The following AUTS2 variants were observed in gnomAD, a reference collection of about 807,000 sequenced individuals.
AUTS2 encodes activator of transcription and developmental regulator AUTS2.
Under a neutral mutation model 112.4 loss-of-function variants are expected in AUTS2, and 17 were observed. The observed-to-expected ratio is 0.15, with a 90% CI of 0.10 to 0.23. The LOEUF (loss-of-function observed/expected upper bound fraction) is 0.23. Ranked by LOEUF, AUTS2 falls within the 10% of genes least tolerant of loss-of-function variation. The probability of loss-of-function intolerance (pLI) is 1.00; values close to 1 mark genes in which losing one functional copy is unlikely to be tolerated. For missense variants in AUTS2, 1,510 were observed against 1,701.6 expected, an observed-to-expected ratio of 0.89 and a Z score of 1.98; for synonymous variants, 751 against 702.7, an observed-to-expected ratio of 1.07 and a Z score of -1.09.
At chr7:70,227,671 C>T (rs1198642202) in intron 4 of AUTS2, among the ~76,000 whole-genome samples, 4 of 152,026 alleles carry the variant, frequency 2.6e-5, no homozygotes, top group East Asian at 3.9e-4. Context: ...ATCTTCTGAT[C>T]GCTCATGTGA....
Position 70,790,773 on chromosome 7 carries a change from C to A in AUTS2, c.3557C>A (p.Thr1186Asn), listed in dbSNP as rs771904255. 3.7e-6 allele frequency: 6 copies of A among 1,612,570 alleles called. No homozygotes were observed. The East Asian group carries it at 1.3e-4, about 36-fold the overall frequency. ...DGHLPHPSLITPGLPSMHYPR... is the reference protein window; with the variant it reads ...DGHLPHPSLINPGLPSMHYPR... ...CACCTCCCCCACCCCAGCCTCATCA[C>A]CCCGGGACTCCCCAGCATGCACTAT... The change falls in exon 19 of 19, where the codon ACC becomes AAC. Residue 1186 changes from threonine to asparagine, a missense_variant. Physicochemically the swap from Thr to Asn is moderately conservative, Grantham distance 65 (BLOSUM62 0). This residue lies in a region of AUTS2 where 788 missense variants were observed against 797.6 expected (regional missense o/e 0.99). Transcript: ENST00000342771. The surrounding 1 kb of genome is among the most constrained non-coding windows in gnomAD (Gnocchi z 7.6).
chr7:69,671,486 G>GGTGTGTGTGT (rs201047003), intron 1 of AUTS2, among the ~76,000 whole-genome samples: 44 of 138,618 alleles, frequency 3.2e-4, no homozygotes, highest in African/African-American at 1.2e-3. Flanking sequence ...TGCTGCTGCT[G>GGTGTGTGTGT]GTGTGTGTGT....
chr7:70,509,374 T>C (rs1195555456), intron 5 of AUTS2, among the ~76,000 whole-genome samples: 1 of 152,154 alleles, frequency 6.6e-6, no homozygotes, highest in South Asian at 2.1e-4. Flanking sequence ...TATTCTGACT[T>C]GGGAGGAAGG....
At chr7:69,765,075 A>G (rs1788361483) in intron 1 of AUTS2, among the ~76,000 whole-genome samples, 1 of 152,248 alleles carries the variant, frequency 6.6e-6, no homozygotes, top group Admixed American at 6.5e-5. Flanking sequence ...ACATGCTCTT[A>G]TCTCTTGATC....
intron 1 of AUTS2, among the ~76,000 whole-genome samples, chr7:69,644,264 A>C (rs1186277945): frequency 6.6e-6 from 1 of 152,090 alleles, no homozygotes; most frequent in Non-Finnish European, 1.5e-5. Flanking sequence ...AGTGGCATTT[A>C]ATTGCAGTCA....
intron 2 of AUTS2, among the ~76,000 whole-genome samples, chr7:69,944,739 G>A (rs17459903): frequency 0.039 from 5,904 of 152,084 alleles, 176 homozygotes; most frequent in Non-Finnish European, 0.063. Flanking sequence ...AAAACTTTTT[G>A]TACGAGGCAC....
intron 10 of AUTS2, among the ~76,000 whole-genome samples, chr7:70,768,879 T>C (rs1420962305): frequency 1.4e-5 from 2 of 146,018 alleles, no homozygotes; most frequent in Non-Finnish European, 3.0e-5. Context: ...AGTGATTTCT[T>C]TTTTTTTTTT....
At chr7:70,777,209 G>A (rs1264007565) in intron 14 of AUTS2, 35 bp downstream of exon 14, 1 of 1,586,164 alleles carries the variant, frequency 6.3e-7, no homozygotes, top group East Asian at 2.2e-5. Flanking sequence ...GGAAGAATGG[G>A]ATGCACATGT....
chr7:70,435,429 C>T (rs531174524), intron 4 of AUTS2, among the ~76,000 whole-genome samples: 6 of 152,294 alleles, frequency 3.9e-5, no homozygotes, highest in East Asian at 1.9e-4. Flanking sequence ...AGAGGGGCAT[C>T]GCCTCTACCC....
chr7:70,278,082 C>A (rs1160988817), intron 4 of AUTS2, among the ~76,000 whole-genome samples: 1 of 151,942 alleles, frequency 6.6e-6, no homozygotes, highest in Non-Finnish European at 1.5e-5. Flanking sequence ...TGCATCTGAA[C>A]ATATTCCTGG....
At chr7:70,758,471 T>C (rs1789360746) in intron 6 of AUTS2, among the ~76,000 whole-genome samples, 2 of 152,212 alleles carry the variant, frequency 1.3e-5, no homozygotes, top group African/African-American at 4.8e-5. Flanking sequence ...AACCAATTTT[T>C]CCTAATCTCT....
chr7:70,350,521 T>C (rs780909298), intron 4 of AUTS2, among the ~76,000 whole-genome samples: 6 of 151,302 alleles, frequency 4.0e-5, no homozygotes, highest in African/African-American at 7.3e-5. Context: ...ATGTGCAGAG[T>C]TTATAAAACC....
At chr7:70,423,608 A>G (rs1204460166) in intron 4 of AUTS2, among the ~76,000 whole-genome samples, 2 of 152,246 alleles carry the variant, frequency 1.3e-5, no homozygotes, top group Non-Finnish European at 2.9e-5. Flanking sequence ...TATTTGAAGA[A>G]TAAGTCCAAG....
rs527382133 is a variant in AUTS2, at chr7:69,809,116, C to T, written c.310-90170C>T. Among the ~76,000 whole-genome samples, 8 of 152,194 alleles carry T rather than the reference C, an allele frequency of 5.3e-5. No individual in the cohort carries two copies. The South Asian group carries it at 1.7e-3, about 32-fold the overall frequency. On this transcript the variant is annotated intron_variant, in intron 1 of 18. Transcript: ENST00000342771. ...CTGAGATGGAGTCTCGCTCCGTTGC[C>T]CAGGCTGGAGTACAGTGGCGCGATC...
intron 1 of AUTS2, among the ~76,000 whole-genome samples, chr7:69,854,895 C>G (rs561946286): frequency 6.6e-6 from 1 of 152,232 alleles, no homozygotes; most frequent in African/African-American, 2.4e-5. Flanking sequence ...TTTTCTATTT[C>G]TAGAGTGTAG....
chr7:69,938,649 C>T (rs1389665705), intron 2 of AUTS2, among the ~76,000 whole-genome samples: 1 of 152,144 alleles, frequency 6.6e-6, no homozygotes, highest in Non-Finnish European at 1.5e-5. Flanking sequence ...AAGCAGTACA[C>T]CCTAACCTAG....
chr7:70,290,672 C>A, intron 4 of AUTS2: 1 of 1,347,862 alleles, frequency 7.4e-7, no homozygotes, highest in Non-Finnish European at 9.4e-7. Flanking sequence ...TTCTCCATTC[C>A]TCATCCCAAT....
intron 1 of AUTS2, among the ~76,000 whole-genome samples, chr7:69,616,222 C>T (rs922595284): frequency 6.6e-6 from 1 of 152,154 alleles, no homozygotes; most frequent in African/African-American, 2.4e-5. Flanking sequence ...CCAAAGCAGG[C>T]TAAGCCAGGA....
At chr7:70,059,748 G>A (rs145179034) in intron 2 of AUTS2, among the ~76,000 whole-genome samples, 9 of 152,162 alleles carry the variant, frequency 5.9e-5, no homozygotes, top group African/African-American at 1.7e-4. Flanking sequence ...CGATGCCTTC[G>A]ATGCTAGGCT....
Sources: allele counts gnomAD v4.1 joint callset (sites outside exome capture counted in the v4.1 genomes callset), GRCh38; gene constraint gnomAD v4.1.1; regional missense constraint gnomAD v4.1.1; non-coding constraint Gnocchi (gnomAD v3.1); transcripts MANE v1.5; gene names NCBI Gene and HGNC (gene_info 2026-07-23, HGNC 2026-07-21).